MRPL45: variants seen among roughly 807,000 people sequenced by gnomAD.
MRPL45 encodes the protein large ribosomal subunit protein mL45.
In MRPL45, 20 loss-of-function variants were observed where a neutral mutation model predicts 38.1. The ratio of observed to expected loss-of-function variants is 0.53; its 90% CI spans 0.37 to 0.76. The LOEUF (loss-of-function observed/expected upper bound fraction) is 0.76. Among genes scored for constraint, MRPL45 ranks in the 30% least tolerant of loss-of-function variants. The pLI is 0.00. For synonymous variants in MRPL45, 105 were observed against 128.8 expected, an observed-to-expected ratio of 0.82 and a Z score of 1.25; for missense variants, 337 against 395.6, an observed-to-expected ratio of 0.85 and a Z score of 1.26.
chr17:38,309,341 C>G (rs2037086910), intron 4 of MRPL45, among the ~76,000 whole-genome samples: 2 of 150,640 alleles, frequency 1.3e-5, no homozygotes, highest in Non-Finnish European at 3.0e-5. Flanking sequence ...GTGGTGAAAC[C>G]CTGTCTCTAC....
intron 7 of MRPL45, 47 bp downstream of exon 7, chr17:38,322,346 TCTC>T (rs755752593): frequency 2.0e-6 from 3 of 1,523,348 alleles, no homozygotes; most frequent in Non-Finnish European, 2.7e-6. Flanking sequence ...CTACTCGTGG[TCTC>T]CTAAGCCACT....
intron 5 of MRPL45, among the ~76,000 whole-genome samples, chr17:38,320,351 G>T (rs2037217587): frequency 1.3e-5 from 2 of 152,176 alleles, no homozygotes; most frequent in African/African-American, 2.4e-5. Flanking sequence ...TTGGAATGTG[G>T]TTTTTGTTGA....
At chr17:38,300,268 A>G (rs150187278) in intron 3 of MRPL45, among the ~76,000 whole-genome samples, 134,102 of 151,796 alleles carry the variant, frequency 0.88, 59,562 homozygotes, top group East Asian at 1. Context: ...CACCCACCTC[A>G]GCCTCCTGAA....
intron 3 of MRPL45, among the ~76,000 whole-genome samples, chr17:38,306,159 C>T (rs1006658299): frequency 4.0e-5 from 6 of 151,552 alleles, no homozygotes; most frequent in African/African-American, 1.5e-4. Context: ...CCTGTAATCC[C>T]AGGACTTTGG....
chr17:38,300,237 C>T (rs1197899590), intron 3 of MRPL45, among the ~76,000 whole-genome samples: 1 of 151,994 alleles, frequency 6.6e-6, no homozygotes, highest in East Asian at 1.9e-4. Flanking sequence ...AAGATGGTCT[C>T]GATCTCTTGA....
rs575783313 is a variant in MRPL45 at position 38,318,997 on chromosome 17, TTTTATTTATTTATTTA to T, written c.510+302_510+317del. 2.7e-3 allele frequency among the ~76,000 whole-genome samples: 345 copies of T among 127,464 alleles called. 1 individual carries two copies. The highest frequency in any genetic ancestry group is 0.023 in the Middle Eastern group (6 of 258). 83.6% of individuals were successfully genotyped at this position (127,464 alleles called of 152,430 possible). On this transcript the variant is annotated intron_variant, in intron 5 of 7. Transcript: ENST00000613675. Reference sequence around the variant, plus strand: ...CATGCGCCACCATGCCCAGCTAATTTTTTATTTATTTATTTATTTATTTATTTATTTATTTATTTAT... The same window carrying T: ...CATGCGCCACCATGCCCAGCTAATTTTTTATTTATTTATTTATTTATTTAT...
At position 38,313,297 on chromosome 17, in the gene MRPL45, T is replaced by TA. The variant is rs879236168; in HGVS notation, c.462-5375dup. On this transcript the variant is annotated intron_variant, in intron 4 of 7. Transcript: ENST00000613675. ...TGCGCCTAGCCACTTTCCTTTCTAT[T>TA]AAAAAAAAAAAAAAATATATATATA... is the stretch of plus-strand genomic sequence containing the variant. 2.5e-3 allele frequency among the ~76,000 whole-genome samples: 47 copies of TA among 18,514 alleles called. 4 individuals carry two copies. Among genetic ancestry groups the TA allele is most frequent in the African/African-American group, 4.0e-3 (31 of 7,708 alleles). 12.1% of individuals were successfully genotyped at this position (18,514 alleles called of 152,430 possible).
chr17:38,321,463 C>T (rs2037228622), intron 6 of MRPL45, among the ~76,000 whole-genome samples: 1 of 152,080 alleles, frequency 6.6e-6, no homozygotes, highest in Admixed American at 6.5e-5. Flanking sequence ...GAGGCCACGG[C>T]AGGCAGATCA....
intron 4 of MRPL45, among the ~76,000 whole-genome samples, chr17:38,315,538 G>C (rs1317262600): frequency 6.6e-6 from 1 of 151,788 alleles, no homozygotes; most frequent in Non-Finnish European, 1.5e-5. Context: ...CAATGTGTTG[G>C]GATTATAGGC....
At chr17:38,312,080 C>T (rs1244308698) in intron 4 of MRPL45, among the ~76,000 whole-genome samples, 5 of 139,724 alleles carry the variant, frequency 3.6e-5, no homozygotes, top group African/African-American at 8.0e-5. Context: ...GAGTTTTGCT[C>T]TTGTCACCCA....
chr17:38,306,729 T>G, intron 4 of MRPL45, 98 bp downstream of exon 4: 1 of 1,488,684 alleles, frequency 6.7e-7, no homozygotes, highest in Non-Finnish European at 9.2e-7. Context: ...TTGCACAAAT[T>G]TGTTTTCTGC....
chr17:38,301,532 C>T (rs547844427), intron 3 of MRPL45, among the ~76,000 whole-genome samples: 25 of 152,274 alleles, frequency 1.6e-4, no homozygotes, highest in East Asian at 1.4e-3. Flanking sequence ...TGAGCCACCA[C>T]GCTGGGCTAT....
intron 4 of MRPL45, 130 bp from the exon 5 acceptor site, chr17:38,318,557 C>T: frequency 1.7e-6 from 1 of 581,906 alleles, no homozygotes; most frequent in Non-Finnish European, 3.2e-6. Context: ...TATTTTATAC[C>T]TGGCTTATAC....
intron 4 of MRPL45, among the ~76,000 whole-genome samples, chr17:38,313,318 A>ATATATATATATATATACG (rs2037137086): frequency 3.7e-4 from 3 of 8,114 alleles, no homozygotes; most frequent in African/African-American, 1.1e-3. Context: ...AAAAATATAT[A>ATATATATATATATATACG]TATATATATA....
intron 4 of MRPL45, among the ~76,000 whole-genome samples, chr17:38,311,402 G>A (rs1003775251): frequency 5.3e-5 from 8 of 151,514 alleles, no homozygotes; most frequent in South Asian, 2.1e-4. Flanking sequence ...AAGGAGACCC[G>A]GGGATCCAGG....
intron 4 of MRPL45, among the ~76,000 whole-genome samples, 175 bp downstream of exon 4, chr17:38,306,806 T>C (rs1353034871): frequency 6.6e-6 from 1 of 152,178 alleles, no homozygotes; most frequent in East Asian, 1.9e-4. Context: ...TGACGCTGTC[T>C]TTCACTCCCC....
chr17:38,299,397 A>G lies in MRPL45; in HGVS notation c.291A>G (p.Ile97Met), dbSNP rs768425986. ...AYVPPEGDAR[I>M]SSLSKEGLIE... ...TTCCTCCTGAGGGTGATGCACGCAT[A>G]TCATCTCTTTCAAAGGAGGGACTGA... The change falls in exon 3 of 8, where the codon ATA becomes ATG. Residue 97 changes from isoleucine (I) to methionine (M), a missense_variant. Physicochemically the swap from Ile to Met is conservative, Grantham distance 10. Transcript: ENST00000613675. 5 of 1,612,312 alleles carry G rather than the reference A, an allele frequency of 3.1e-6. No individual in the cohort carries two copies. The African/African-American group carries it at 5.3e-5, about 17-fold the overall frequency.
chr17:38,320,499 TG>T, intron 5 of MRPL45, 118 bp from the exon 6 acceptor site: 1 of 1,009,938 alleles, frequency 9.9e-7, no homozygotes, highest in Non-Finnish European at 1.5e-6. Flanking sequence ...AGAGAGCATG[TG>T]GTGGGAAACG....
At chr17:38,314,549 A>T (rs1453970500) in intron 4 of MRPL45, among the ~76,000 whole-genome samples, 1 of 152,174 alleles carries the variant, frequency 6.6e-6, no homozygotes, top group African/African-American at 2.4e-5. Context: ...ATCCAGTGTC[A>T]TGAAGTATTT....
Sources: allele counts gnomAD v4.1 joint callset (sites outside exome capture counted in the v4.1 genomes callset), GRCh38; gene constraint gnomAD v4.1.1; transcripts MANE v1.5; gene names NCBI Gene and HGNC (gene_info 2026-07-23, HGNC 2026-07-21).